Variants in KDM1A observed in about 807,000 individuals in gnomAD.
KDM1A encodes lysine demethylase 1A, also known as lysine-specific histone demethylase 1A.
A neutral mutation model predicts 109.4 loss-of-function variants in KDM1A; 49 were observed. That is an observed-to-expected ratio of 0.45 (90% confidence interval 0.36 to 0.57). The LOEUF (loss-of-function observed/expected upper bound fraction) is 0.57. KDM1A is among the 20% of genes least tolerant of loss of function. The pLI is 0.00. For synonymous variants in KDM1A, 380 were observed against 415.4 expected (o/e 0.91, Z 1.04); for missense variants, 668 against 1,116.6 (o/e 0.60, Z 5.73).
intron 9 of KDM1A, among the ~76,000 whole-genome samples, chr1:23,059,910 C>T (rs946980823): frequency 9.2e-5 from 14 of 152,102 alleles, no homozygotes; most frequent in African/African-American, 2.9e-4. Flanking sequence ...CCTATGTATA[C>T]GGTGGGTTTA....
intron 2 of KDM1A, among the ~76,000 whole-genome samples, chr1:23,044,020 C>T (rs549172761): frequency 1.3e-5 from 2 of 152,212 alleles, no homozygotes; most frequent in East Asian, 3.9e-4. Context: ...GAAAGTTAAA[C>T]GGATATTAAG....
At chr1:23,066,025 C>T in intron 9 of KDM1A, 35 bp from the exon 10 acceptor site, 1 of 1,604,794 alleles carries the variant, frequency 6.2e-7, no homozygotes, top group Non-Finnish European at 8.5e-7. Context: ...CTGTTATTTA[C>T]AGTTTATTTC....
chr1:23,033,016 A>T (rs544623586), intron 2 of KDM1A, among the ~76,000 whole-genome samples: 1 of 152,280 alleles, frequency 6.6e-6, no homozygotes, highest in East Asian at 1.9e-4. Context: ...CTCCTGCCTC[A>T]GCCCCCTGAG....
chr1:23,073,464 T>C, intron 15 of KDM1A, 61 bp downstream of exon 15: 1 of 915,518 alleles, frequency 1.1e-6, no homozygotes, highest in Admixed American at 1.8e-5. Flanking sequence ...GTAAGAGAAA[T>C]AGTTAATTTT....
intron 2 of KDM1A, among the ~76,000 whole-genome samples, chr1:23,039,483 A>C (rs186945902): frequency 2.6e-5 from 4 of 152,226 alleles, no homozygotes; most frequent in African/African-American, 9.6e-5. Flanking sequence ...TTTAACTAAA[A>C]TAGCATTTGT....
chr1:23,077,177 TGACACA>T, intron 15 of KDM1A, 45 bp from the exon 16 acceptor site: 2 of 1,577,710 alleles, frequency 1.3e-6, no homozygotes, highest in Non-Finnish European at 1.7e-6. Flanking sequence ...TAGGTGCAAA[TGACACA>T]GATTAATAAA....
intron 15 of KDM1A, among the ~76,000 whole-genome samples, chr1:23,074,370 A>C (rs1293364503): frequency 4.6e-5 from 7 of 152,220 alleles, no homozygotes; most frequent in Non-Finnish European, 8.8e-5. Context: ...ATGTTTTACA[A>C]ATATTTATTT....
At chr1:23,056,241 G>GT (rs1642827649) in intron 7 of KDM1A, among the ~76,000 whole-genome samples, 1 of 151,816 alleles carries the variant, frequency 6.6e-6, no homozygotes, top group Non-Finnish European at 1.5e-5. Flanking sequence ...TGTGAAGAGG[G>GT]TTTTAGAGTA....
rs546026444 is a variant in KDM1A, at chr1:23,075,825, T to C, written c.1735-1403T>C. Among the ~76,000 whole-genome samples, 10 of 151,570 alleles carry C rather than the reference T, an allele frequency of 6.6e-5. 1 individual carries two copies. In the East Asian group the frequency reaches 2.0e-3, roughly 30 times the overall value. Reference sequence around the variant, plus strand: ...AGCCTGGCGTGGTGGCGCATGCCTGTAGTCTCAGCTGCTTGGGAGACTGAG... The same window carrying C: ...AGCCTGGCGTGGTGGCGCATGCCTGCAGTCTCAGCTGCTTGGGAGACTGAG... On this transcript the variant is annotated intron_variant, in intron 15 of 20. Coordinates refer to ENST00000400181, the MANE Select transcript of KDM1A (RefSeq NM_001009999.3).
chr1:23,064,711 A>G (rs972084502), intron 9 of KDM1A, among the ~76,000 whole-genome samples: 2 of 152,234 alleles, frequency 1.3e-5, no homozygotes, highest in African/African-American at 4.8e-5. Context: ...TGGCTTTCCC[A>G]CATTCTGCAT....
At chr1:23,057,901 C>T (rs571684004) in intron 8 of KDM1A, 3 of 171,512 alleles carry the variant, frequency 1.7e-5, no homozygotes, top group East Asian at 3.3e-4. Flanking sequence ...CCCTCAGCCT[C>T]CCGAGTAGCT....
chr1:23,077,429 G>A lies in KDM1A; in HGVS notation c.1867+69G>A, dbSNP rs551031246. 1.6e-4 allele frequency: 244 copies of A among 1,489,424 alleles called. 2 individuals carry two copies. Among genetic ancestry groups the A allele is most frequent in the Non-Finnish European group, 2.1e-4 (227 of 1,096,912 alleles). The allele number at this position is 1,489,424 out of a possible 1,614,324, so 92.3% of individuals were successfully genotyped here. ...ACAGGACTGATCTTTTGTTAGGTGC[G>A]ACCTATCAGGTACATTTCCTGATAG... On this transcript the variant is annotated intron_variant, in intron 16 of 20. Coordinates refer to ENST00000400181, the MANE Select transcript of KDM1A (RefSeq NM_001009999.3).
At chr1:23,023,215 G>A (rs188813867) in intron 1 of KDM1A, among the ~76,000 whole-genome samples, 56 of 152,236 alleles carry the variant, frequency 3.7e-4, no homozygotes, top group Non-Finnish European at 1.6e-4. Context: ...ACGGAAATTT[G>A]TGATTTTGAT....
At position 23,071,312 on chromosome 1, in the gene KDM1A, G is replaced by A. The variant is rs1643312645; in HGVS notation, c.1501G>A (p.Glu501Lys). Residue 501 changes from glutamate to lysine, a missense_variant, in exon 13 of 21, where the codon GAG becomes AAG. Glu to Lys is a moderately conservative substitution (Grantham distance 56). This residue lies in a region of KDM1A where 162 missense variants were observed against 376.4 expected (regional missense o/e 0.43). Transcript: ENST00000400181. ...EVKPPRDITAEFLVKSKHRDL... is the reference protein window; with the variant it reads ...EVKPPRDITAKFLVKSKHRDL... ...AAAGCCACCCAGAGATATTACTGCCGAGTTCTTAGTGAAAAGCAAACACAG... is the reference window on the plus strand; with the variant it reads ...AAAGCCACCCAGAGATATTACTGCCAAGTTCTTAGTGAAAAGCAAACACAG... The A allele has an allele frequency of 1.2e-6, 2 of 1,613,558 alleles. No individual in the cohort carries two copies. Among genetic ancestry groups the A allele is most frequent in the East Asian group, 2.2e-5 (1 of 44,850 alleles).
At chr1:23,026,498 T>C (rs1012167030) in intron 1 of KDM1A, among the ~76,000 whole-genome samples, 2 of 151,710 alleles carry the variant, frequency 1.3e-5, no homozygotes, top group Non-Finnish European at 2.9e-5. Flanking sequence ...CAAGTGGTCC[T>C]CCTGCCGTAG....
chr1:23,068,117 C>T (rs981030769), intron 10 of KDM1A, among the ~76,000 whole-genome samples: 3 of 152,180 alleles, frequency 2.0e-5, no homozygotes, highest in Non-Finnish European at 4.4e-5. Flanking sequence ...TTTTCCCATC[C>T]TGCCCTTATT....
Position 23,053,818 on chromosome 1 carries a change from C to A in KDM1A, c.769C>A (p.Gln257Lys). ...GCTGACATTTGAGGCTACTCTCCAA[C>A]AATTAGAAGCACCTTATAACAGTAA... ...IQLTFEATLQ[Q>K]LEAPYNSDTV... The change falls in exon 5 of 21, where the codon CAA (glutamine) becomes AAA (lysine). Residue 257 changes from glutamine to lysine, a missense_variant. Gln to Lys is a moderately conservative substitution (Grantham distance 53). This residue lies in a region of KDM1A where 149 missense variants were observed against 189.7 expected (regional missense o/e 0.79). Coordinates refer to ENST00000400181, the MANE Select transcript of KDM1A (RefSeq NM_001009999.3). The A allele has an allele frequency of 6.3e-7, 1 of 1,599,928 alleles. No homozygotes were observed. Among genetic ancestry groups the A allele is most frequent in the Non-Finnish European group, 8.6e-7 (1 of 1,167,232 alleles).
chr1:23,024,789 C>A (rs920733105), intron 1 of KDM1A, among the ~76,000 whole-genome samples: 3 of 152,190 alleles, frequency 2.0e-5, no homozygotes, highest in Non-Finnish European at 4.4e-5. Flanking sequence ...TCCTCTGATT[C>A]ATTTTCCTCA....
intron 5 of KDM1A, among the ~76,000 whole-genome samples, chr1:23,054,788 G>A (rs1455773163): frequency 2.0e-5 from 3 of 151,936 alleles, no homozygotes; most frequent in Non-Finnish European, 4.4e-5. Flanking sequence ...CATCATACAT[G>A]GCTAATTTTT....
Sources: allele counts gnomAD v4.1 joint callset (sites outside exome capture counted in the v4.1 genomes callset), GRCh38; gene constraint gnomAD v4.1.1; regional missense constraint gnomAD v4.1.1; transcripts MANE v1.5; gene names NCBI Gene and HGNC (gene_info 2026-07-23, HGNC 2026-07-21).